PREX1: variants seen among roughly 807,000 people sequenced by gnomAD.
The protein encoded by PREX1 is phosphatidylinositol-3,4,5-trisphosphate dependent Rac exchange factor 1.
In PREX1, 41 loss-of-function variants were observed where a neutral mutation model predicts 198.3. The ratio of observed to expected loss-of-function variants is 0.21; its 90% CI spans 0.16 to 0.27. PREX1 has a LOEUF of 0.27. Ranked by LOEUF, PREX1 falls within the 10% of genes least tolerant of loss-of-function variation. The pLI is 1.00. For synonymous variants in PREX1, 843 were observed against 887.2 expected, an observed-to-expected ratio of 0.95 and a Z score of 0.89; for missense variants, 1,620 against 2,200.7, an observed-to-expected ratio of 0.74 and a Z score of 5.28.
intron 1 of PREX1, among the ~76,000 whole-genome samples, chr20:48,776,038 GCA>G (rs1330461514): frequency 6.6e-6 from 1 of 152,136 alleles, no homozygotes; most frequent in Non-Finnish European, 1.5e-5. Context: ...CATCTAACAA[GCA>G]GGGGGAAGAG....
chr20:48,630,190 A>T (rs6090884), intron 36 of PREX1, among the ~76,000 whole-genome samples: 1 of 152,120 alleles, frequency 6.6e-6, no homozygotes, highest in Admixed American at 6.5e-5. Flanking sequence ...CTAGAAAACC[A>T]GGAGGCCAAA....
chr20:48,775,375 A>C (rs1332535376), intron 1 of PREX1, among the ~76,000 whole-genome samples: 1 of 152,052 alleles, frequency 6.6e-6, no homozygotes, highest in African/African-American at 2.4e-5. Flanking sequence ...AGCCTCCCTG[A>C]TAAGAACACG....
chr20:48,767,006 C>G (rs1274931088), intron 1 of PREX1, among the ~76,000 whole-genome samples: 1 of 152,196 alleles, frequency 6.6e-6, no homozygotes, highest in East Asian at 1.9e-4. Flanking sequence ...GTTTCCCCAT[C>G]TGCACAGCGC....
chr20:48,747,556 G>A (rs2090114466), intron 2 of PREX1, among the ~76,000 whole-genome samples: 1 of 152,226 alleles, frequency 6.6e-6, no homozygotes, highest in African/African-American at 2.4e-5. Context: ...AGCACAGAGG[G>A]AAAGTCTCGG....
At chr20:48,634,086 G>GGATA (rs61040587) in intron 33 of PREX1, among the ~76,000 whole-genome samples, 78 of 89,606 alleles carry the variant, frequency 8.7e-4, no homozygotes, top group African/African-American at 2.8e-3. Context: ...ATGGATGGAC[G>GGATA]GATGGATGGA....
Position 48,690,945 on chromosome 20 carries a change from A to G in PREX1, c.1186+2T>C. 6.2e-7 allele frequency: 1 copy of G among 1,613,494 alleles called. No homozygotes were observed. The highest frequency in any genetic ancestry group is 8.5e-7 in the Non-Finnish European group (1 of 1,179,956). On this transcript the variant is annotated splice_donor_variant, in intron 9 of 39. Transcript: ENST00000371941. LOFTEE classifies it high-confidence loss of function. ...GGCGAGCACCCCAAAGCTGCTGCTC[A>G]CTCTCGCGCTGCTCCCGCTCGCGGA...
intron 1 of PREX1, among the ~76,000 whole-genome samples, chr20:48,757,774 C>G (rs2090161562): frequency 6.6e-6 from 1 of 152,138 alleles, no homozygotes. Context: ...CAGACCAGGC[C>G]CCTTCCCTGG....
At chr20:48,741,026 T>C (rs76154086) in intron 3 of PREX1, among the ~76,000 whole-genome samples, 1 of 152,204 alleles carries the variant, frequency 6.6e-6, no homozygotes, top group South Asian at 2.1e-4. Flanking sequence ...TTTTTTTTTT[T>C]GAGACGGAGT....
At chr20:48,713,758 A>AGAG (rs11377333) in intron 5 of PREX1, among the ~76,000 whole-genome samples, 1 of 150,332 alleles carries the variant, frequency 6.7e-6, no homozygotes, top group African/African-American at 2.5e-5. Flanking sequence ...AAAAAAAAAA[A>AGAG]AGAGAGAGAG....
the PREX1 span, among the ~76,000 whole-genome samples, chr20:48,852,700 A>G: frequency 6.6e-6 from 1 of 152,218 alleles, no homozygotes; most frequent in African/African-American, 2.4e-5. Flanking sequence ...ACACCCAGTG[A>G]TGTATGTACA....
At chr20:48,863,586 CTT>C in the PREX1 span, among the ~76,000 whole-genome samples, 7 of 104,348 alleles carry the variant, frequency 6.7e-5, no homozygotes, top group South Asian at 3.2e-4. Context: ...TTCATATTGT[CTT>C]TTTTTTTTTT....
chr20:48,823,163 C>T (rs1050399621), intron 1 of PREX1, among the ~76,000 whole-genome samples: 1 of 152,146 alleles, frequency 6.6e-6, no homozygotes, highest in Non-Finnish European at 1.5e-5. Flanking sequence ...TGGTCGGTTC[C>T]GGGCAGACCC....
chr20:48,864,303 T>C, the PREX1 span, among the ~76,000 whole-genome samples: 1 of 152,310 alleles, frequency 6.6e-6, no homozygotes, highest in African/African-American at 2.4e-5. Context: ...TCAGGCACTG[T>C]GCTGGGACAG....
chr20:48,832,529 C>G (rs985233734), upstream of PREX1, among the ~76,000 whole-genome samples: 1 of 152,178 alleles, frequency 6.6e-6, no homozygotes, highest in African/African-American at 2.4e-5. Flanking sequence ...AAAAGTCAGA[C>G]CAGCAGCCCA....
rs901330778 is a variant in PREX1 at position 48,628,285 on chromosome 20, G to A, written c.4767-322C>T. On this transcript the variant is annotated intron_variant, in intron 37 of 39. Coordinates refer to ENST00000371941, the MANE Select transcript of PREX1 (RefSeq NM_020820.4). Reference sequence around the variant, plus strand: ...GTAAATATCTGCTGAGTGAGTGGGGGACTCCCTGGGAGCCTCACGACTTGT... The same window carrying A: ...GTAAATATCTGCTGAGTGAGTGGGGAACTCCCTGGGAGCCTCACGACTTGT... Among the ~76,000 whole-genome samples the A allele has an allele frequency of 5.3e-5, 8 of 152,222 alleles. No individual in the cohort carries two copies. In the East Asian group the frequency reaches 1.5e-3, roughly 29 times the overall value.
chr20:48,628,358 G>C (rs2089289444), intron 37 of PREX1, among the ~76,000 whole-genome samples: 1 of 152,208 alleles, frequency 6.6e-6, no homozygotes, highest in Non-Finnish European at 1.5e-5. Flanking sequence ...ACCTCTCTGG[G>C]TTTCTCAACA....
At chr20:48,687,628 A>G (rs1015544415) in intron 10 of PREX1, among the ~76,000 whole-genome samples, 1 of 152,170 alleles carries the variant, frequency 6.6e-6, no homozygotes, top group Non-Finnish European at 1.5e-5. Flanking sequence ...AAGTTCCCGC[A>G]TTGCCGGCAA....
chr20:48,835,831 A>G, the PREX1 span, among the ~76,000 whole-genome samples: 3 of 152,200 alleles, frequency 2.0e-5, no homozygotes, highest in Non-Finnish European at 4.4e-5. Flanking sequence ...TGGGAAGTAA[A>G]CTAAGAGCAG....
At position 48,625,941 on chromosome 20, in the gene PREX1, C is replaced by A; in HGVS notation, c.4938-14G>T. On this transcript the variant is annotated splice_polypyrimidine_tract_variant and intron_variant, in intron 39 of 39. Transcript: ENST00000371941. ...AGGCGGTAGAGGCTGGGGATGGAGG[C>A]AAAGAGAATGAGGAGAGGCCGGGGC... 6.5e-7 allele frequency: 1 copy of A among 1,545,374 alleles called. No homozygotes were observed. The highest frequency in any genetic ancestry group is 8.7e-7 in the Non-Finnish European group (1 of 1,149,382).
Sources: allele counts gnomAD v4.1 joint callset (sites outside exome capture counted in the v4.1 genomes callset), GRCh38; gene constraint gnomAD v4.1.1; transcripts MANE v1.5; gene names NCBI Gene and HGNC (gene_info 2026-07-23, HGNC 2026-07-21).